Variants in DRP2 observed in about 807,000 individuals in gnomAD.
DRP2 encodes the protein dystrophin related protein 2.
A neutral mutation model predicts 78.2 loss-of-function variants in DRP2; 29 were observed. The ratio of observed to expected loss-of-function variants is 0.37; its 90% CI spans 0.28 to 0.51. The LOEUF (loss-of-function observed/expected upper bound fraction) is 0.51. DRP2 is among the 20% of genes least tolerant of loss of function. The pLI, the probability that DRP2 is intolerant of heterozygous loss-of-function variation, is 0.94. For missense variants in DRP2, 686 were observed against 770.6 expected, an observed-to-expected ratio of 0.89 and a Z score of 1.30; for synonymous variants, 290 against 281.9, an observed-to-expected ratio of 1.03 and a Z score of -0.29.
At chrX:101,226,140 TAA>T (rs1456296816) in intron 2 of DRP2, among the ~76,000 whole-genome samples, 2 of 112,239 alleles carry the variant, frequency 1.8e-5, no homozygotes, top group African/African-American at 6.5e-5. Flanking sequence ...AGGTATATCA[TAA>T]GAGATCATTT....
In DRP2 at chrX:101,235,922, C is replaced by A. The variant is rs34013624; in HGVS notation, c.180C>A (p.Ser60Arg). The A allele has an allele frequency of 0.014, 16,379 of 1,210,319 alleles. 97 individuals are homozygous for A. The highest frequency in any genetic ancestry group is 0.022 in the Middle Eastern group (96 of 4,326). Reference sequence around the variant, plus strand: ...ATGGTGCTGGGGTTCCCTGCCTAAGCCTAAAGCTGTTGAACGGGTCTGTTG... The same window carrying A: ...ATGGTGCTGGGGTTCCCTGCCTAAGACTAAAGCTGTTGAACGGGTCTGTTG... ...PQDGAGVPCL[S>R]LKLLNGSVGA... Residue 60 changes from serine to arginine, a missense_variant, in exon 4 of 24, where the codon AGC (serine) becomes AGA (arginine). By Grantham distance (110) the Ser-to-Arg change is moderately radical. Transcript: ENST00000395209.
intron 4 of DRP2, among the ~76,000 whole-genome samples, chrX:101,237,051 A>G (rs1487364657): frequency 9.0e-6 from 1 of 111,473 alleles, no homozygotes; most frequent in African/African-American, 3.3e-5. Flanking sequence ...TTCTGTTTCC[A>G]TATCTCAGAC....
At chrX:101,253,303 C>T (rs1296407438) in intron 17 of DRP2, among the ~76,000 whole-genome samples, 2 of 110,669 alleles carry the variant, frequency 1.8e-5, no homozygotes, top group African/African-American at 6.6e-5. Flanking sequence ...TAGCCCAGTT[C>T]AGTCAGCATC....
chrX:101,254,943 G>A lies in DRP2; in HGVS notation c.2180+19G>A. On this transcript the variant is annotated intron_variant, in intron 19 of 23. Transcript: ENST00000395209. ...CCAGCAGGTACCACCAGGTTTGCGGGAGGTGGGTAGGAGCTGTTGTAGGAA... is the reference window on the plus strand; with the variant it reads ...CCAGCAGGTACCACCAGGTTTGCGGAAGGTGGGTAGGAGCTGTTGTAGGAA... The A allele has an allele frequency of 8.3e-7, 1 of 1,211,113 alleles. No homozygotes were observed. Among genetic ancestry groups the A allele is most frequent in the Non-Finnish European group, 1.1e-6 (1 of 894,955 alleles).
At chrX:101,243,723 CAAAT>C (rs2147342771) in intron 9 of DRP2, among the ~76,000 whole-genome samples, 1 of 111,729 alleles carries the variant, frequency 9.0e-6, no homozygotes, top group Non-Finnish European at 1.9e-5. Flanking sequence ...AGACCACAAA[CAAAT>C]AAGTAAAATA....
At chrX:101,242,199 T>C (rs1275570184) in intron 7 of DRP2, 126 bp from the exon 8 acceptor site, 2 of 1,007,007 alleles carry the variant, frequency 2.0e-6, no homozygotes, top group South Asian at 4.5e-5. Flanking sequence ...GTTGCCCTAA[T>C]AGGCAAGCAC....
chrX:101,241,224 A>G (rs1288533059), intron 6 of DRP2, among the ~76,000 whole-genome samples: 1 of 112,419 alleles, frequency 8.9e-6, no homozygotes, highest in African/African-American at 3.2e-5. Flanking sequence ...AACGCATGTG[A>G]TAAAATCACA....
rs41307387 is a variant in DRP2, at chrX:101,262,068, C to A, written c.*1447C>A. 8.9e-6 allele frequency: 1 copy of A among 111,872 alleles called. No homozygotes were observed. The highest frequency in any genetic ancestry group is 3.2e-5 in the African/African-American group (1 of 30,862). 9.2% of individuals were successfully genotyped at this position (111,872 alleles called of 1,213,427 possible). On this transcript the variant is annotated 3_prime_UTR_variant, in exon 24 of 24. Transcript: ENST00000395209. ...CTCACTCACACATTAAATTCTAATACCTCTTGAAGTATTAATGTTCTGCCT... is the reference window on the plus strand; with the variant it reads ...CTCACTCACACATTAAATTCTAATAACTCTTGAAGTATTAATGTTCTGCCT...
At chrX:101,235,769 C>A in intron 3 of DRP2, 91 bp from the exon 4 acceptor site, 1 of 957,431 alleles carries the variant, frequency 1.0e-6, no homozygotes, top group African/African-American at 1.9e-5. Context: ...ACCCTTCTCT[C>A]CCCTTGTTCA....
intron 6 of DRP2, among the ~76,000 whole-genome samples, chrX:101,240,802 T>A (rs1435209965): frequency 8.9e-6 from 1 of 112,389 alleles, no homozygotes; most frequent in Non-Finnish European, 1.9e-5. Context: ...GGGCTAGTAC[T>A]TAATTTGATG....
At chrX:101,244,193 G>A (rs1922844962) in intron 9 of DRP2, among the ~76,000 whole-genome samples, 1 of 111,299 alleles carries the variant, frequency 9.0e-6, no homozygotes, top group Admixed American at 9.6e-5. Context: ...GCAAGAGTGG[G>A]AACAGGGAGG....
At chrX:101,255,369 C>A (rs891010019) in intron 20 of DRP2, 120 bp downstream of exon 20, 1 of 713,272 alleles carries the variant, frequency 1.4e-6, no homozygotes, top group African/African-American at 2.2e-5. Flanking sequence ...ATCCTTAGCT[C>A]CCTAAGGAAG....
intron 1 of DRP2, among the ~76,000 whole-genome samples, chrX:101,222,130 A>C (rs60702657): frequency 0.016 from 1,737 of 110,968 alleles, 48 homozygotes; most frequent in African/African-American, 0.054. Context: ...TCTTAACCGA[A>C]TTCTCATTTT....
chrX:101,259,944 TA>T, intron 22 of DRP2, 104 bp from the exon 23 acceptor site: 1 of 1,046,265 alleles, frequency 9.6e-7, no homozygotes, highest in Non-Finnish European at 1.3e-6. Flanking sequence ...AGTCTAAGGG[TA>T]AAGGGATGGT....
At chrX:101,248,638 A>G (rs937079173) in intron 14 of DRP2, 39 bp downstream of exon 14, 1 of 1,135,032 alleles carries the variant, frequency 8.8e-7, no homozygotes, top group Non-Finnish European at 1.2e-6. Flanking sequence ...TGTTGGGTAG[A>G]GGGAAAGGTG....
intron 2 of DRP2, among the ~76,000 whole-genome samples, chrX:101,226,924 T>A (rs919965054): frequency 2.7e-5 from 3 of 111,895 alleles, no homozygotes; most frequent in Admixed American, 1.9e-4. Context: ...TTTCTTACAG[T>A]TATGGAAGCT....
rs766334048 is a variant in DRP2, at chrX:101,254,876, T to C, written c.2132T>C (p.Met711Thr). 87 of 1,210,160 alleles carry C rather than the reference T, an allele frequency of 7.2e-5. No homozygotes were observed. The highest frequency in any genetic ancestry group is 7.6e-5 in the Non-Finnish European group (68 of 895,314). ...DYSETPASSP[M>T]WPHADTHSRI... ...TCTTCTAGGCCGGCTTCTTCCCCGATGTGGCCACACGCCGACACACACTCC... is the reference window on the plus strand; with the variant it reads ...TCTTCTAGGCCGGCTTCTTCCCCGACGTGGCCACACGCCGACACACACTCC... Residue 711 changes from methionine (M) to threonine (T), a missense_variant, in exon 19 of 24, where the codon ATG becomes ACG. Met to Thr is a moderately conservative substitution (Grantham distance 81). Coordinates refer to ENST00000395209, the MANE Select transcript of DRP2 (RefSeq NM_001939.3).
intron 21 of DRP2, among the ~76,000 whole-genome samples, chrX:101,257,785 G>C (rs1923402052): frequency 8.9e-6 from 1 of 111,895 alleles, no homozygotes; most frequent in Admixed American, 9.5e-5. Context: ...AAAGCCAAAA[G>C]TGATATCCCC....
chrX:101,247,685 C>A (rs1436159638), intron 12 of DRP2, among the ~76,000 whole-genome samples: 4 of 112,005 alleles, frequency 3.6e-5, no homozygotes, highest in Non-Finnish European at 7.5e-5. Context: ...CCCAACCATA[C>A]CTGAGCCTTC....
Sources: allele counts gnomAD v4.1 joint callset (sites outside exome capture counted in the v4.1 genomes callset), GRCh38; gene constraint gnomAD v4.1.1; transcripts MANE v1.5; gene names NCBI Gene and HGNC (gene_info 2026-07-23, HGNC 2026-07-21).